Variants in THBS1 observed in about 807,000 individuals in gnomAD.
THBS1 encodes the protein thrombospondin 1.
Under a neutral mutation model 126.1 loss-of-function variants are expected in THBS1, and 29 were observed. The ratio of observed to expected loss-of-function variants is 0.23; its 90% confidence interval spans 0.17 to 0.31. The LOEUF (loss-of-function observed/expected upper bound fraction) is 0.31. Among genes scored for constraint, THBS1 ranks in the 10% least tolerant of loss-of-function variants. THBS1 has a pLI of 1.00. For missense variants in THBS1, 1,198 were observed against 1,545.2 expected, an observed-to-expected ratio of 0.78 and a Z score of 3.77; for synonymous variants, 496 against 577.8, an observed-to-expected ratio of 0.86 and a Z score of 2.03.
In THBS1 at chr15:39,592,533, C is replaced by A; in HGVS notation, c.2533-35C>A. ...TTATCTTTAACATGAATGGTTTATA[C>A]TGCAATTTACCCTCCATTTACATCT... On this transcript the variant is annotated intron_variant, in intron 16 of 21. Coordinates refer to ENST00000260356, the MANE Select transcript of THBS1 (RefSeq NM_003246.4). This position sits in a 1 kb window ranked among gnomAD's most constrained non-coding sequence, Gnocchi z 4.3. 3 of 1,542,162 alleles carry A rather than the reference C, an allele frequency of 1.9e-6. No homozygotes were observed. The highest frequency in any genetic ancestry group is 2.3e-5 in the East Asian group (1 of 43,066).
In THBS1 at chr15:39,597,214, T is replaced by A. The variant is rs1483449407; in HGVS notation, c.*1845T>A. On this transcript the variant is annotated 3_prime_UTR_variant, in exon 22 of 22. Transcript: ENST00000260356. ...GAAATACTGCCTGTAGAGTTAGTATTTCTATTTTTATATAATGTTTGCACA... is the reference window on the plus strand; with the variant it reads ...GAAATACTGCCTGTAGAGTTAGTATATCTATTTTTATATAATGTTTGCACA... The A allele has an allele frequency of 6.6e-6, 1 of 151,908 alleles. No homozygotes were observed. 9.4% of individuals were successfully genotyped at this position (151,908 alleles called of 1,614,324 possible).
Position 39,594,141 on chromosome 15 carries a change from G to T in THBS1, c.3310G>T (p.Asp1104Tyr). ...WHDPRHIGWK[D>Y]FTAYRWRLSH... is the part of the protein sequence containing the mutation. ...TGACCCTCGTCACATAGGCTGGAAAGATTTCACCGCCTACAGATGGCGTCT... is the reference window on the plus strand; with the variant it reads ...TGACCCTCGTCACATAGGCTGGAAATATTTCACCGCCTACAGATGGCGTCT... Residue 1104 changes from aspartate (D) to tyrosine (Y), a missense_variant, in exon 20 of 22, where the codon GAT becomes TAT. By Grantham distance (160) the Asp-to-Tyr change is radical. This residue lies in a region of THBS1 where 255 missense variants were observed against 373.9 expected (regional missense o/e 0.68). Transcript: ENST00000260356. The surrounding 1 kb of genome is among the most constrained non-coding windows in gnomAD (Gnocchi z 4.4). The T allele has an allele frequency of 1.9e-6, 3 of 1,614,186 alleles. No individual in the cohort carries two copies. The highest frequency in any genetic ancestry group is 2.5e-6 in the Non-Finnish European group (3 of 1,180,010).
chr15:39,591,543 A>T lies in THBS1; in HGVS notation c.2452A>T (p.Asn818Tyr). Residue 818 changes from asparagine to tyrosine, a missense_variant, in exon 16 of 22, where the codon AAT (asparagine) becomes TAT (tyrosine). Physicochemically the swap from Asn to Tyr is moderately radical, Grantham distance 143. Coordinates refer to ENST00000260356, the MANE Select transcript of THBS1 (RefSeq NM_003246.4). The stretch of plus-strand genomic sequence containing the variant: ...ACGGGACAACTGCCAGTACGTCTAC[A>T]ATGTGGACCAGAGAGACACTGATAT... ...NERDNCQYVY[N>Y]VDQRDTDMDG... 6.2e-7 allele frequency: 1 copy of T among 1,614,194 alleles called. No individual in the cohort carries two copies.
In THBS1 at chr15:39,595,817, A is replaced by G. The variant is rs1442220022; in HGVS notation, c.*448A>G. 2.2e-6 allele frequency: 1 copy of G among 459,592 alleles called. No individual in the cohort carries two copies. The highest frequency in any genetic ancestry group is 4.4e-6 in the Non-Finnish European group (1 of 229,432). 28.5% of individuals were successfully genotyped at this position (459,592 alleles called of 1,614,324 possible). On this transcript the variant is annotated 3_prime_UTR_variant, in exon 22 of 22. Coordinates refer to ENST00000260356, the MANE Select transcript of THBS1 (RefSeq NM_003246.4). ...CCTCCTTCAGGAACACGGGGAGCAG[A>G]GGCCAAAGCACTAAGGGGAGGGCGC...
Position 39,581,874 on chromosome 15 carries a change from G to C in THBS1, c.17G>C (p.Gly6Ala). The C allele has an allele frequency of 6.2e-7, 1 of 1,614,076 alleles. No homozygotes were observed. The highest frequency in any genetic ancestry group is 8.5e-7 in the Non-Finnish European group (1 of 1,180,006). Reference sequence around the variant, plus strand: ...AGCTCCACCATGGGGCTGGCCTGGGGACTAGGCGTCCTGTTCCTGATGCAT... The same window carrying C: ...AGCTCCACCATGGGGCTGGCCTGGGCACTAGGCGTCCTGTTCCTGATGCAT... MGLAW[G>A]LGVLFLMHVC... Residue 6 changes from glycine to alanine, a missense_variant, in exon 2 of 22, where the codon GGA (glycine) becomes GCA (alanine). Physicochemically the swap from Gly to Ala is moderately conservative, Grantham distance 60. This residue lies in a region of THBS1 where 271 missense variants were observed against 277.0 expected (regional missense o/e 0.98). Coordinates refer to ENST00000260356, the MANE Select transcript of THBS1 (RefSeq NM_003246.4).
In THBS1 at chr15:39,599,378, CAGAA is replaced by C; in HGVS notation, c.*4012_*4015del. 1 of 152,228 alleles carries C rather than the reference CAGAA, an allele frequency of 6.6e-6. No individual in the cohort carries two copies. Among genetic ancestry groups the C allele is most frequent in the East Asian group, 1.9e-4 (1 of 5,180 alleles). The allele number at this position is 152,228 out of a possible 1,614,324, so 9.4% of individuals were successfully genotyped here. On this transcript the variant is annotated 3_prime_UTR_variant, in exon 22 of 22. Transcript: ENST00000260356. ...ATTTTCTTCCCCCTTACCTAAATAA[CAGAA>C]AGGCTCACTATGTCCCAAATATCAT...
At chr15:39,585,268 G>A (rs1456081096) in intron 6 of THBS1, among the ~76,000 whole-genome samples, 1 of 152,200 alleles carries the variant, frequency 6.6e-6, no homozygotes, top group African/African-American at 2.4e-5. Flanking sequence ...AAGGAATGGA[G>A]TGACACGTAA....
At position 39,582,395 on chromosome 15, in the gene THBS1, T is replaced by C. The variant is rs1232271096; in HGVS notation, c.270T>C (p.Leu90=). 3.1e-6 allele frequency: 5 copies of C among 1,614,080 alleles called. No individual in the cohort carries two copies. Among genetic ancestry groups the C allele is most frequent in the East Asian group, 2.2e-5 (1 of 44,868 alleles). Residue 90 remains leucine (L), a synonymous_variant, in exon 3 of 22, where the codon CTT becomes CTC. Transcript: ENST00000260356. The part of the protein sequence containing the change: ...DAVRAEKGFL[L]LASLRQMKKT... Reference sequence around the variant, plus strand: ...TGCGGGCAGAAAAGGGTTTCCTCCTTCTGGCATCCCTGAGGCAGATGAAGA... The same window carrying C: ...TGCGGGCAGAAAAGGGTTTCCTCCTCCTGGCATCCCTGAGGCAGATGAAGA...
At position 39,598,452 on chromosome 15, in the gene THBS1, AATGGCAAAGAATTAAATACCATC is replaced by A. The variant is rs1890527934; in HGVS notation, c.*3086_*3108del. 1 of 152,222 alleles carries A rather than the reference AATGGCAAAGAATTAAATACCATC, an allele frequency of 6.6e-6. No homozygotes were observed. Among genetic ancestry groups the A allele is most frequent in the African/African-American group, 2.4e-5 (1 of 41,460 alleles). The allele number at this position is 152,222 out of a possible 1,614,324, so 9.4% of individuals were successfully genotyped here. ...TGATGTGAAGGAAATAATTCTTTGAAATGGCAAAGAATTAAATACCATCATTCATTATCAGAAGAGTTCAACGT... is the reference window on the plus strand; with the variant it reads ...TGATGTGAAGGAAATAATTCTTTGAAATTCATTATCAGAAGAGTTCAACGT... On this transcript the variant is annotated 3_prime_UTR_variant, in exon 22 of 22. Coordinates refer to ENST00000260356, the MANE Select transcript of THBS1 (RefSeq NM_003246.4).
Position 39,584,248 on chromosome 15 carries a change from C to T in THBS1, c.904-52C>T, listed in dbSNP as rs560527727. The stretch of plus-strand genomic sequence containing the variant: ...CCCTGGAAGGTTTATCGCAGATGGT[C>T]CCAAATGACTGAAAATGCGGGGGGA... On this transcript the variant is annotated intron_variant, in intron 5 of 21. Transcript: ENST00000260356. The T allele has an allele frequency of 6.2e-6, 10 of 1,614,178 alleles. No homozygotes were observed. The East Asian group carries it at 2.2e-4, about 36-fold the overall frequency.
rs1330471579 is a variant in THBS1 at position 39,591,207 on chromosome 15, A to G, written c.2270A>G (p.His757Arg). 3.1e-6 allele frequency: 5 copies of G among 1,613,882 alleles called. No homozygotes were observed. The highest frequency in any genetic ancestry group is 3.4e-6 in the Non-Finnish European group (4 of 1,179,978). The stretch of plus-strand genomic sequence containing the variant: ...TCTTTGCAGGACAACTGTCCATTCC[A>G]TTACAACCCAGCTCAGTATGACTAT... Reference protein sequence around the residue: ...IPDDRDNCPFHYNPAQYDYDR... With the variant: ...IPDDRDNCPFRYNPAQYDYDR... The change falls in exon 15 of 22, where the codon CAT (histidine) becomes CGT (arginine). Residue 757 changes from histidine (H) to arginine (R), a missense_variant. By Grantham distance (29) the His-to-Arg change is conservative. This residue lies in a region of THBS1 where 663 missense variants were observed against 860.1 expected (regional missense o/e 0.77). Transcript: ENST00000260356.
intron 1 of THBS1, 36 bp from the exon 2 acceptor site, chr15:39,581,793 A>G: frequency 4.2e-6 from 6 of 1,438,966 alleles, no homozygotes; most frequent in Non-Finnish European, 5.9e-6. Context: ...TGCCTAGCTG[A>G]TCTCTGACCC....
rs1280229561 is a variant in THBS1, at chr15:39,594,504, AC to A, written c.3505+65del. On this transcript the variant is annotated intron_variant, in intron 21 of 21. Transcript: ENST00000260356. This position sits in a 1 kb window ranked among gnomAD's most constrained non-coding sequence, Gnocchi z 4.4. The stretch of plus-strand genomic sequence containing the variant: ...CTATTTCAGACTAATATCAAGGATG[AC>A]GGTTATGGGGGAGTCCAGTGTAAAG... 1 of 1,583,902 alleles carries A rather than the reference AC, an allele frequency of 6.3e-7. No individual in the cohort carries two copies.
At chr15:39,581,633 C>A in intron 1 of THBS1, 196 bp from the exon 2 acceptor site, 1 of 451,664 alleles carries the variant, frequency 2.2e-6, no homozygotes, top group Non-Finnish European at 3.7e-6. Flanking sequence ...GCATCTCTTT[C>A]CTCCACCTCT....
At chr15:39,590,118 G>T in intron 13 of THBS1, 95 bp downstream of exon 13, 1 of 1,128,328 alleles carries the variant, frequency 8.9e-7, no homozygotes, top group Non-Finnish European at 1.2e-6. Flanking sequence ...GTTTGGACAT[G>T]AAACTGAAAG....
At chr15:39,590,225 G>C (rs1469660333) in intron 13 of THBS1, among the ~76,000 whole-genome samples, 1 of 152,182 alleles carries the variant, frequency 6.6e-6, no homozygotes, top group Non-Finnish European at 1.5e-5. Context: ...TTGGGCAACT[G>C]TGTTCCATAG....
In THBS1 at chr15:39,592,902, G is replaced by C; in HGVS notation, c.2768-98G>C. ...CTCAAAGCATTTGACAGGATGAAGG[G>C]ACCAAATGCCAACTTAGACAAGATA... On this transcript the variant is annotated intron_variant, in intron 17 of 21. Transcript: ENST00000260356. The surrounding 1 kb of genome is among the most constrained non-coding windows in gnomAD (Gnocchi z 4.3). 6.5e-7 allele frequency: 1 copy of C among 1,536,894 alleles called. No individual in the cohort carries two copies. Among genetic ancestry groups the C allele is most frequent in the South Asian group, 1.2e-5 (1 of 85,794 alleles).
Position 39,591,538 on chromosome 15 carries a change from T to A in THBS1, c.2447T>A (p.Val816Asp), listed in dbSNP as rs766425097. 6.2e-7 allele frequency: 1 copy of A among 1,614,198 alleles called. No individual in the cohort carries two copies. The highest frequency in any genetic ancestry group is 1.7e-5 in the Admixed American group (1 of 60,026). ...AATGAACGGGACAACTGCCAGTACGTCTACAATGTGGACCAGAGAGACACT... is the reference window on the plus strand; with the variant it reads ...AATGAACGGGACAACTGCCAGTACGACTACAATGTGGACCAGAGAGACACT... ...ILNERDNCQY[V>D]YNVDQRDTDM... Residue 816 changes from valine (V) to aspartate (D), a missense_variant, in exon 16 of 22, where the codon GTC becomes GAC. By Grantham distance (152) the Val-to-Asp change is radical. This residue lies in a region of THBS1 where 663 missense variants were observed against 860.1 expected (regional missense o/e 0.77). Coordinates refer to ENST00000260356, the MANE Select transcript of THBS1 (RefSeq NM_003246.4).
chr15:39,583,994 G>C lies in THBS1; in HGVS notation c.710G>C (p.Ser237Thr), dbSNP rs754102615. 1 of 1,614,208 alleles carries C rather than the reference G, an allele frequency of 6.2e-7. No homozygotes were observed. The highest frequency in any genetic ancestry group is 8.5e-7 in the Non-Finnish European group (1 of 1,180,046). ...LRNKGCSSST[S>T]VLLTLDNNVV... is the part of the protein sequence containing the mutation. ...TCATTTTGTTTCTTGCCAGCTACCAGTGTCCTCCTCACCCTTGACAACAAC... is the reference window on the plus strand; with the variant it reads ...TCATTTTGTTTCTTGCCAGCTACCACTGTCCTCCTCACCCTTGACAACAAC... The change falls in exon 5 of 22, where the codon AGT becomes ACT. Residue 237 changes from serine to threonine, a missense_variant. Physicochemically the swap from Ser to Thr is moderately conservative, Grantham distance 58. Transcript: ENST00000260356.
Sources: allele counts gnomAD v4.1 joint callset (sites outside exome capture counted in the v4.1 genomes callset), GRCh38; gene constraint gnomAD v4.1.1; regional missense constraint gnomAD v4.1.1; non-coding constraint Gnocchi (gnomAD v3.1); transcripts MANE v1.5; gene names NCBI Gene and HGNC (gene_info 2026-07-23, HGNC 2026-07-21).